Variants in DEPDC4 observed in about 807,000 individuals in gnomAD.
DEPDC4 encodes DEP domain containing 4, also known as DEP domain-containing protein 4.
A neutral mutation model predicts 52.0 loss-of-function variants in DEPDC4; 52 were observed. The ratio of observed to expected loss-of-function variants is 1.00; its 90% CI spans 0.80 to 1.26. The LOEUF (loss-of-function observed/expected upper bound fraction) is 1.26, where lower values mean the gene tolerates loss of function less well. DEPDC4 is among the 50% of genes most tolerant of loss of function. DEPDC4 has a pLI of 0.00. For synonymous variants in DEPDC4, 201 were observed against 196.8 expected (o/e 1.02, Z -0.18); for missense variants, 530 against 546.9 (o/e 0.97, Z 0.31).
chr12:100,269,279 T>A (rs1001661759), upstream of DEPDC4, among the ~76,000 whole-genome samples: 1 of 152,064 alleles, frequency 6.6e-6, no homozygotes, highest in African/African-American at 2.4e-5. Flanking sequence ...GCTTCAAGTA[T>A]GTGGCTTTGG....
Position 100,262,419 on chromosome 12 carries a change from A to T in DEPDC4, c.555-10T>A, listed in dbSNP as rs768752194. On this transcript the variant is annotated splice_polypyrimidine_tract_variant and intron_variant, in intron 2 of 9. Coordinates refer to ENST00000550587, the MANE Select transcript of DEPDC4 (RefSeq NM_001364818.2). ...CATTTCATATCCTGGTCTGTTAAAAAATAATACGTGGCTCTTTTCATTATA... is the reference window on the plus strand; with the variant it reads ...CATTTCATATCCTGGTCTGTTAAAATATAATACGTGGCTCTTTTCATTATA... 1 of 1,587,252 alleles carries T rather than the reference A, an allele frequency of 6.3e-7. No homozygotes were observed. Among genetic ancestry groups the T allele is most frequent in the Non-Finnish European group, 8.5e-7 (1 of 1,173,476 alleles).
chr12:100,256,638 G>GT (rs1298534553), intron 3 of DEPDC4, among the ~76,000 whole-genome samples: 1 of 130,038 alleles, frequency 7.7e-6, no homozygotes, highest in Non-Finnish European at 1.7e-5. Flanking sequence ...TTTGTTTTGT[G>GT]TTTTTTGTTT....
downstream of DEPDC4, among the ~76,000 whole-genome samples, chr12:100,239,834 G>C (rs998396054): frequency 4.6e-5 from 7 of 152,160 alleles, no homozygotes; most frequent in Middle Eastern, 3.4e-3. Flanking sequence ...TTGAGGCCAG[G>C]AGTTTGAGAC....
At chr12:100,257,990 TAG>T (rs2096241086) in intron 3 of DEPDC4, among the ~76,000 whole-genome samples, 1 of 112,466 alleles carries the variant, frequency 8.9e-6, no homozygotes, top group Admixed American at 9.1e-5. Flanking sequence ...GATAGATAGA[TAG>T]ATAGATAGAT....
chr12:100,266,132 C>T (rs1213151720), intron 1 of DEPDC4, among the ~76,000 whole-genome samples: 1 of 152,054 alleles, frequency 6.6e-6, no homozygotes, highest in Non-Finnish European at 1.5e-5. Flanking sequence ...TAACTTAGAA[C>T]TTCTAGAATG....
intron 1 of DEPDC4, among the ~76,000 whole-genome samples, chr12:100,265,146 T>C (rs2096266909): frequency 6.7e-6 from 1 of 149,974 alleles, no homozygotes; most frequent in Admixed American, 6.7e-5. Flanking sequence ...TACAAAAAAT[T>C]AGTGGGGCAT....
chr12:100,275,892 A>G, the DEPDC4 span, among the ~76,000 whole-genome samples: 73 of 152,180 alleles, frequency 4.8e-4, 1 homozygote, highest in East Asian at 0.012. Flanking sequence ...ATGAATTGGT[A>G]TTGAATTTTG....
the DEPDC4 span, among the ~76,000 whole-genome samples, chr12:100,275,510 T>C: frequency 6.6e-6 from 1 of 152,332 alleles, no homozygotes; most frequent in East Asian, 1.9e-4. Flanking sequence ...AATACAATCT[T>C]TTCAAATATG....
chr12:100,263,768 C>G lies in DEPDC4; in HGVS notation c.283G>C (p.Asp95His), dbSNP rs2096262390. The G allele has an allele frequency of 6.2e-7, 1 of 1,614,048 alleles. No individual in the cohort carries two copies. Among genetic ancestry groups the G allele is most frequent in the South Asian group, 1.1e-5 (1 of 91,092 alleles). Reference protein sequence around the residue: ...QTYKDCFTGSDAVDVVLSHLM... With the variant: ...QTYKDCFTGSHAVDVVLSHLM... ...TGACTTAAGACCACATCGACAGCAT[C>G]AGAACCAGTGAAACAGTCTTTGTAT... The change falls in exon 2 of 10, where the codon GAT (aspartate) becomes CAT (histidine). Residue 95 changes from aspartate to histidine, a missense_variant. Transcript: ENST00000550587.
chr12:100,233,820 A>G (rs2096137633), intron 9 of DEPDC4, among the ~76,000 whole-genome samples: 1 of 152,212 alleles, frequency 6.6e-6, no homozygotes, highest in Non-Finnish European at 1.5e-5. Context: ...TCAATAACAG[A>G]TTTCAGTCTT....
intron 7 of DEPDC4, among the ~76,000 whole-genome samples, chr12:100,251,589 G>A (rs889412963): frequency 6.6e-6 from 1 of 151,096 alleles, no homozygotes; most frequent in Non-Finnish European, 1.5e-5. Flanking sequence ...TTTTTTTGAG[G>A]CGGAATCTTG....
chr12:100,276,176 C>T, the DEPDC4 span, among the ~76,000 whole-genome samples: 2 of 152,102 alleles, frequency 1.3e-5, no homozygotes, highest in Admixed American at 1.3e-4. Flanking sequence ...GTATCCTCCC[C>T]TCTTCTATTT....
intron 9 of DEPDC4, among the ~76,000 whole-genome samples, chr12:100,231,978 C>T (rs1189031486): frequency 6.6e-6 from 1 of 151,978 alleles, no homozygotes; most frequent in Non-Finnish European, 1.5e-5. Flanking sequence ...GAAAATGTCT[C>T]ATATATTCAT....
At chr12:100,260,887 CTG>C (rs1358983976) in intron 3 of DEPDC4, among the ~76,000 whole-genome samples, 5 of 149,920 alleles carry the variant, frequency 3.3e-5, no homozygotes, top group Non-Finnish European at 5.9e-5. Context: ...AAGAGTGAAA[CTG>C]TGTCTCAATG....
Position 100,267,053 on chromosome 12 carries a change from C to G in DEPDC4, c.24G>C (p.Ala8=). 1 of 1,613,772 alleles carries G rather than the reference C, an allele frequency of 6.2e-7. No homozygotes were observed. Among genetic ancestry groups the G allele is most frequent in the East Asian group, 2.2e-5 (1 of 44,866 alleles). The change falls in exon 1 of 10, where the codon GCG becomes GCC. Residue 8 remains alanine (A), a synonymous_variant. Transcript: ENST00000550587. MVPGEEP[A]RELMAVLLTP... ...TCAAAAGAACCGCCATAAGCTCGCG[C>G]GCTGGCTCCTCCCCTGGCACCATAG...
chr12:100,279,795 A>G, the DEPDC4 span, among the ~76,000 whole-genome samples: 3 of 152,150 alleles, frequency 2.0e-5, no homozygotes, highest in Non-Finnish European at 2.9e-5. Flanking sequence ...GAACTTTGAA[A>G]CTATTCAACT....
chr12:100,241,938 C>G, intron 9 of DEPDC4, 93 bp from the exon 10 acceptor site: 1 of 833,110 alleles, frequency 1.2e-6, no homozygotes, highest in Non-Finnish European at 1.5e-6. Context: ...CCAAACTGGT[C>G]TTACGGTATG....
At chr12:100,273,745 T>G in the DEPDC4 span, among the ~76,000 whole-genome samples, 1 of 152,208 alleles carries the variant, frequency 6.6e-6, no homozygotes, top group South Asian at 2.1e-4. Context: ...CCCCCCTTAC[T>G]TTATAGTTTT....
At chr12:100,280,341 A>T in the DEPDC4 span, among the ~76,000 whole-genome samples, 1 of 152,244 alleles carries the variant, frequency 6.6e-6, no homozygotes, top group African/African-American at 2.4e-5. Flanking sequence ...AAATGGTTTT[A>T]TATATGTTTA....
Sources: gnomAD v4.1 joint callset for allele counts (sites outside exome capture counted in the v4.1 genomes callset) on GRCh38, gnomAD v4.1.1 for gene constraint, MANE v1.5 for transcripts, NCBI Gene and HGNC (gene_info 2026-07-23, HGNC 2026-07-21) for gene names.